The following DLL1 variants were observed in gnomAD, a reference collection of about 807,000 sequenced individuals.
DLL1 encodes the protein delta-like protein 1.
In DLL1, 9 loss-of-function variants were observed where a neutral mutation model predicts 75.1. The observed-to-expected ratio is 0.12, with a 90% CI of 0.07 to 0.21. The LOEUF (loss-of-function observed/expected upper bound fraction) is 0.21, where lower values mean the gene tolerates loss of function less well. Among genes scored for constraint, DLL1 ranks in the 10% least tolerant of loss-of-function variants. The pLI is 1.00. For missense variants in DLL1, 837 were observed against 1,007.6 expected, an observed-to-expected ratio of 0.83 and a Z score of 2.29; for synonymous variants, 477 against 418.3, an observed-to-expected ratio of 1.14 and a Z score of -1.71.
Position 170,282,871 on chromosome 6 carries a change from A to G in DLL1, c.*3T>C. The G allele has an allele frequency of 1.9e-6, 3 of 1,614,138 alleles. No homozygotes were observed. The highest frequency in any genetic ancestry group is 2.2e-5 in the South Asian group (2 of 91,076). ...ACGGGAGTCTTGCCATCTCACTTCC[A>G]TTTTACACCTGGGGGGCCACAAGAC... On this transcript the variant is annotated 3_prime_UTR_variant, in exon 11 of 11. Transcript: ENST00000366756.
In DLL1 at chr6:170,285,834, C is replaced by T. The variant is rs949638229; in HGVS notation, c.732-135G>A. On this transcript the variant is annotated intron_variant, in intron 5 of 10. Coordinates refer to ENST00000366756, the MANE Select transcript of DLL1 (RefSeq NM_005618.4). ...CCAGATTAGCAGAACACTGGGTCAC[C>T]TTGGGAGCTGCAGCCTGGGCCTGGG... 11 of 1,331,966 alleles carry T rather than the reference C, an allele frequency of 8.3e-6. No homozygotes were observed. The African/African-American group carries it at 1.3e-4, about 16-fold the overall frequency. 82.5% of individuals were successfully genotyped at this position (1,331,966 alleles called of 1,614,324 possible). A position where few individuals can be genotyped will look rare whatever the true frequency, so the allele number is the denominator to read the frequency against.
chr6:170,282,958 G>A (rs775515316), intron 10 of DLL1, 30 bp downstream of exon 10: 4 of 1,614,190 alleles, frequency 2.5e-6, no homozygotes, highest in East Asian at 2.2e-5. Context: ...CCATGCCGAG[G>A]AGGAGGGAGC....
At chr6:170,288,949 C>CTG (rs755440669) in intron 2 of DLL1, among the ~76,000 whole-genome samples, 160 bp from the exon 3 acceptor site, 3 of 152,232 alleles carry the variant, frequency 2.0e-5, no homozygotes, top group Non-Finnish European at 4.4e-5. Context: ...CTCCTGCCTG[C>CTG]TCTCACCTTC....
Position 170,289,855 on chromosome 6 carries a change from C to G in DLL1, c.55-47G>C, listed in dbSNP as rs747434810. 10 of 1,535,606 alleles carry G rather than the reference C, an allele frequency of 6.5e-6. No individual in the cohort carries two copies. In the South Asian group the frequency reaches 8.5e-5, roughly 13 times the overall value. Reference sequence around the variant, plus strand: ...CGTGAGGACGCGGGTCCCGCCCGAGCTAGGGGGCGTGAGGCCTGGGTGGGG... The same window carrying G: ...CGTGAGGACGCGGGTCCCGCCCGAGGTAGGGGGCGTGAGGCCTGGGTGGGG... On this transcript the variant is annotated intron_variant, in intron 1 of 10. Transcript: ENST00000366756.
At position 170,283,904 on chromosome 6, in the gene DLL1, G is replaced by T; in HGVS notation, c.1375C>A (p.Arg459=). 1 of 1,604,714 alleles carries T rather than the reference G, an allele frequency of 6.2e-7. No individual in the cohort carries two copies. The highest frequency in any genetic ancestry group is 8.5e-7 in the Non-Finnish European group (1 of 1,178,436). ...CAGGAGAAGTCGTTCACGCCATCCC[G>T]GCAGGTGCCCCCGTTGGCGCACGGG... is the stretch of plus-strand genomic sequence containing the variant. ...SSPCANGGTC[R]DGVNDFSCTC... Residue 459 remains arginine, a synonymous_variant, in exon 9 of 11, where the codon CGG becomes AGG. Coordinates refer to ENST00000366756, the MANE Select transcript of DLL1 (RefSeq NM_005618.4).
chr6:170,284,876 C>T (rs1218639825), intron 8 of DLL1, 43 bp downstream of exon 8: 2 of 1,593,788 alleles, frequency 1.3e-6, no homozygotes, highest in Admixed American at 1.7e-5. Context: ...TCAGTATTGA[C>T]CGCTCGCCCG....
chr6:170,290,889 T>A lies in DLL1; in HGVS notation c.-750A>T. ...GCCCGGGTTCCCCTGCGCTCTGCCC[T>A]CGGCCGGGTCGGGTCTCCGCGGGTG... On this transcript the variant is annotated 5_prime_UTR_variant, in exon 1 of 11. Coordinates refer to ENST00000366756, the MANE Select transcript of DLL1 (RefSeq NM_005618.4). This position sits in a 1 kb window ranked among gnomAD's most constrained non-coding sequence, Gnocchi z 4.7. 1.5e-6 allele frequency: 1 copy of A among 688,966 alleles called. No homozygotes were observed. Among genetic ancestry groups the A allele is most frequent in the Non-Finnish European group, 2.6e-6 (1 of 378,064 alleles). 42.7% of individuals were successfully genotyped at this position (688,966 alleles called of 1,614,324 possible).
intron 1 of DLL1, 80 bp from the exon 2 acceptor site, chr6:170,289,888 G>C: frequency 6.9e-7 from 1 of 1,457,900 alleles, no homozygotes. Flanking sequence ...GGGGGTGTGC[G>C]GAGAGCCTGG....
At chr6:170,288,122 T>C (rs759401707) in intron 4 of DLL1, 117 bp downstream of exon 4, 1 of 1,503,098 alleles carries the variant, frequency 6.7e-7, no homozygotes, top group Non-Finnish European at 9.1e-7. Context: ...TGGGCCTCAG[T>C]TTCCCCACCA....
intron 8 of DLL1, 59 bp from the exon 9 acceptor site, chr6:170,284,088 C>T (rs1783641916): frequency 6.5e-7 from 1 of 1,530,486 alleles, no homozygotes; most frequent in Non-Finnish European, 8.7e-7. Context: ...ACCAAAAAGT[C>T]ACTCTGAAGC....
intron 4 of DLL1, among the ~76,000 whole-genome samples, chr6:170,287,102 G>A (rs1783718736): frequency 1.3e-5 from 2 of 152,214 alleles, no homozygotes; most frequent in South Asian, 4.1e-4. Flanking sequence ...TCATTAACAA[G>A]CAGCTCCACA....
chr6:170,282,691 G>A lies in DLL1; in HGVS notation c.*183C>T, dbSNP rs538231864. ...CGGAAGGCAGTGCCGCAGGCGGCCG[G>A]GCCGCGACAGGCTGTCGGCAGGCGT... On this transcript the variant is annotated 3_prime_UTR_variant, in exon 11 of 11. Coordinates refer to ENST00000366756, the MANE Select transcript of DLL1 (RefSeq NM_005618.4). 1 of 960,460 alleles carries A rather than the reference G, an allele frequency of 1.0e-6. No homozygotes were observed. The highest frequency in any genetic ancestry group is 2.4e-5 in the East Asian group (1 of 41,272). The allele number at this position is 960,460 out of a possible 1,614,324, so 59.5% of individuals were successfully genotyped here. A position where few individuals can be genotyped will look rare whatever the true frequency, so the allele number is the denominator to read the frequency against.
intron 5 of DLL1, 72 bp from the exon 6 acceptor site, chr6:170,285,771 A>C: frequency 6.2e-7 from 1 of 1,600,340 alleles, no homozygotes; most frequent in African/African-American, 1.3e-5. Context: ...CTCACCCTAG[A>C]AACCATCTTC....
At chr6:170,284,871 A>G in intron 8 of DLL1, 48 bp downstream of exon 8, 1 of 1,586,820 alleles carries the variant, frequency 6.3e-7, no homozygotes, top group Non-Finnish European at 8.6e-7. Context: ...CCACCTCAGT[A>G]TTGACCGCTC....
In DLL1 at chr6:170,283,324, G is replaced by A. The variant is rs1783610716; in HGVS notation, c.1955C>T (p.Thr652Ile). 1.2e-6 allele frequency: 2 copies of A among 1,613,018 alleles called. No individual in the cohort carries two copies. The highest frequency in any genetic ancestry group is 2.7e-5 in the African/African-American group (2 of 74,940). Residue 652 changes from threonine (T) to isoleucine (I), a missense_variant, in exon 9 of 11, where the codon ACC (threonine) becomes ATC (isoleucine). Around this residue, in one of 2 missense-constraint regions of DLL1, gnomAD observed 533 missense variants for 545.7 expected, o/e 0.98. Coordinates refer to ENST00000366756, the MANE Select transcript of DLL1 (RefSeq NM_005618.4). Reference protein sequence around the residue: ...NLVQDLKGDDTAVRDAHSKRD... With the variant: ...NLVQDLKGDDIAVRDAHSKRD... ...CTTGCTGTGCGCGTCCCTGACGGCG[G>A]TGTCGTCACCCTTGAGGTCCTGCAC...
At chr6:170,289,362 TG>T in intron 2 of DLL1, 149 bp downstream of exon 2, 1 of 1,303,578 alleles carries the variant, frequency 7.7e-7, no homozygotes, top group Non-Finnish European at 1.1e-6. Flanking sequence ...GCTGGAGTCC[TG>T]GGGCCGCCGC....
Position 170,290,129 on chromosome 6 carries a change from C to G in DLL1, c.11G>C (p.Arg4Pro). 6.3e-7 allele frequency: 1 copy of G among 1,593,742 alleles called. No homozygotes were observed. The highest frequency in any genetic ancestry group is 8.5e-7 in the Non-Finnish European group (1 of 1,177,878). The change falls in exon 1 of 11, where the codon CGG becomes CCG. Residue 4 changes from arginine to proline, a missense_variant. Arg to Pro is a moderately radical substitution (Grantham distance 103, BLOSUM62 -2). Coordinates refer to ENST00000366756, the MANE Select transcript of DLL1 (RefSeq NM_005618.4). The surrounding 1 kb of genome is among the most constrained non-coding windows in gnomAD (Gnocchi z 4.7). MGS[R>P]CALALAVLSA... ...GAGCACCGCCAGGGCCAGCGCGCAC[C>G]GACTGCCCATGCTGCTTCGCTCCAC...
In DLL1 at chr6:170,289,748, G is replaced by T; in HGVS notation, c.115C>A (p.Leu39Met). ...CCGCGGCAGCAGTTGCGGTTCCCCA[G>T]CAGCCCCTTCTTGTTGACGAACTCC... ...LQEFVNKKGL[L>M]GNRNCCRGGA... Residue 39 changes from leucine to methionine, a missense_variant, in exon 2 of 11, where the codon CTG becomes ATG. This residue lies in a region of DLL1 where 304 missense variants were observed against 461.9 expected (regional missense o/e 0.66). Coordinates refer to ENST00000366756, the MANE Select transcript of DLL1 (RefSeq NM_005618.4). 1.3e-6 allele frequency: 2 copies of T among 1,552,820 alleles called. No homozygotes were observed. Among genetic ancestry groups the T allele is most frequent in the South Asian group, 2.4e-5 (2 of 84,298 alleles).
Position 170,289,555 on chromosome 6 carries a change from G to C in DLL1, c.308C>G (p.Ala103Gly), listed in dbSNP as rs1783800713. 6.5e-7 allele frequency: 1 copy of C among 1,535,158 alleles called. No individual in the cohort carries two copies. The highest frequency in any genetic ancestry group is 8.7e-7 in the Non-Finnish European group (1 of 1,146,450). ...GGGGAAGCGGATGGGGTTGCTGAAC[G>C]CGGAGTCGGCGCCCCCGCCGTCGGG... ...SLPDGGGADS[A>G]FSNPIRFPFG... Residue 103 changes from alanine (A) to glycine (G), a missense_variant, in exon 2 of 11, where the codon GCG becomes GGG. This residue lies in a region of DLL1 where 304 missense variants were observed against 461.9 expected (regional missense o/e 0.66). Coordinates refer to ENST00000366756, the MANE Select transcript of DLL1 (RefSeq NM_005618.4).
Sources: allele counts gnomAD v4.1 joint callset (sites outside exome capture counted in the v4.1 genomes callset), GRCh38; gene constraint gnomAD v4.1.1; regional missense constraint gnomAD v4.1.1; non-coding constraint Gnocchi (gnomAD v3.1); transcripts MANE v1.5; gene names NCBI Gene and HGNC (gene_info 2026-07-23, HGNC 2026-07-21).